The following TNNI3K variants were observed in gnomAD, a reference collection of about 807,000 sequenced individuals.
TNNI3K encodes serine/threonine-protein kinase TNNI3K.
In TNNI3K, 140 loss-of-function variants were observed where a neutral mutation model predicts 114.5. That is an observed-to-expected ratio of 1.22 (90% CI 1.07 to 1.41). The LOEUF is 1.41. Among genes scored for constraint, TNNI3K ranks in the 40% most tolerant of loss-of-function variants. The pLI is 0.00. For missense variants in TNNI3K, 1,125 were observed against 1,007.6 expected (o/e 1.12, Z -1.58); for synonymous variants, 347 against 347.5 (o/e 1.00, Z 0.02).
At chr1:74,292,179 G>A (rs958251397) in intron 5 of TNNI3K, among the ~76,000 whole-genome samples, 1 of 151,266 alleles carries the variant, frequency 6.6e-6, no homozygotes, top group East Asian at 1.9e-4. Flanking sequence ...TCTTTGCAAA[G>A]AACCAACTTC....
intron 11 of TNNI3K, 122 bp from the exon 12 acceptor site, chr1:74,367,134 A>G: frequency 2.2e-6 from 2 of 906,210 alleles, no homozygotes; most frequent in Non-Finnish European, 3.4e-6. Context: ...CTATTGCAAT[A>G]CATTACCTCT....
chr1:74,255,606 G>A lies in TNNI3K; in HGVS notation c.333+4837G>A, dbSNP rs184755801. 2.0e-5 allele frequency among the ~76,000 whole-genome samples: 3 copies of A among 152,218 alleles called. No individual in the cohort carries two copies. The East Asian group carries it at 5.8e-4, about 29-fold the overall frequency. On this transcript the variant is annotated intron_variant, in intron 4 of 24. Transcript: ENST00000326637. ...CTCATACATCTTTTTGTTTTAGTTT[G>A]TTGAGTTTTTCACAGTGTTTAGTTT...
intron 6 of TNNI3K, 97 bp from the exon 7 acceptor site, chr1:74,335,914 T>G: frequency 2.2e-6 from 3 of 1,342,466 alleles, no homozygotes; most frequent in Non-Finnish European, 2.0e-6. Context: ...AACAATAAAT[T>G]TTTGTGGTTT....
At chr1:74,492,562 C>T (rs1669135636) in intron 23 of TNNI3K, among the ~76,000 whole-genome samples, 1 of 152,080 alleles carries the variant, frequency 6.6e-6, no homozygotes, top group African/African-American at 2.4e-5. Flanking sequence ...TTATGGCATC[C>T]AAGCAAGAAT....
intron 23 of TNNI3K, among the ~76,000 whole-genome samples, chr1:74,539,158 G>C (rs1452153542): frequency 2.0e-5 from 3 of 152,174 alleles, no homozygotes; most frequent in Admixed American, 2.0e-4. Flanking sequence ...GAGATGGATA[G>C]TTTAGGATTA....
intron 23 of TNNI3K, among the ~76,000 whole-genome samples, chr1:74,499,485 T>C (rs1669498705): frequency 6.6e-6 from 1 of 152,178 alleles, no homozygotes; most frequent in African/African-American, 2.4e-5. Context: ...TTATTATTAA[T>C]TATTGTCAAT....
chr1:74,346,529 A>G lies in TNNI3K; in HGVS notation c.932+3350A>G, dbSNP rs549613329. ...TACAGCTCTTTTCTTAAAGTTCCAG[A>G]TGTGAGAATCTTTAGGATTTTCTCA... On this transcript the variant is annotated intron_variant, in intron 9 of 24. Transcript: ENST00000326637. Among the ~76,000 whole-genome samples the G allele has an allele frequency of 7.9e-5, 12 of 152,070 alleles. No individual in the cohort carries two copies. In the South Asian group the frequency reaches 2.3e-3, roughly 29 times the overall value.
At chr1:74,489,301 G>T in intron 22 of TNNI3K, 53 bp downstream of exon 22, 1 of 1,570,308 alleles carries the variant, frequency 6.4e-7, no homozygotes, top group Non-Finnish European at 8.7e-7. Flanking sequence ...GCATATCCAA[G>T]GCTGTCAGGG....
intron 17 of TNNI3K, among the ~76,000 whole-genome samples, chr1:74,405,494 G>A (rs1207496466): frequency 6.6e-6 from 1 of 152,150 alleles, no homozygotes; most frequent in African/African-American, 2.4e-5. Flanking sequence ...ATGATAATGA[G>A]AATAAACCAA....
At chr1:74,426,566 T>C (rs1350025989) in intron 17 of TNNI3K, among the ~76,000 whole-genome samples, 1 of 152,040 alleles carries the variant, frequency 6.6e-6, no homozygotes, top group African/African-American at 2.4e-5. Flanking sequence ...CAATGGCATC[T>C]CTTTTTTTCT....
chr1:74,370,185 A>C, intron 16 of TNNI3K, 103 bp from the exon 17 acceptor site: 1 of 1,018,146 alleles, frequency 9.8e-7, no homozygotes, highest in East Asian at 2.9e-5. Flanking sequence ...AAGAAACAAA[A>C]AATGGTTAAG....
intron 4 of TNNI3K, among the ~76,000 whole-genome samples, chr1:74,265,572 T>G (rs1655924353): frequency 6.6e-6 from 1 of 151,928 alleles, no homozygotes; most frequent in South Asian, 2.1e-4. Flanking sequence ...CTGCCACACA[T>G]GAGGAAATGC....
chr1:74,238,068 T>C (rs1653967122), intron 2 of TNNI3K, among the ~76,000 whole-genome samples: 1 of 151,966 alleles, frequency 6.6e-6, no homozygotes, highest in Non-Finnish European at 1.5e-5. Flanking sequence ...TATTCATTGA[T>C]TTTTGGAATC....
intron 4 of TNNI3K, among the ~76,000 whole-genome samples, chr1:74,258,294 T>C (rs1186288630): frequency 2.0e-5 from 3 of 152,216 alleles, no homozygotes; most frequent in African/African-American, 7.2e-5. Context: ...TTCTTCTCGG[T>C]TACCCTGCTC....
chr1:74,351,936 G>A (rs1400674126), intron 9 of TNNI3K, among the ~76,000 whole-genome samples: 1 of 152,040 alleles, frequency 6.6e-6, no homozygotes, highest in East Asian at 1.9e-4. Flanking sequence ...GCTGGGAGTA[G>A]TTTGATCTTC....
intron 21 of TNNI3K, among the ~76,000 whole-genome samples, chr1:74,488,276 GC>G (rs1414312301): frequency 6.6e-6 from 1 of 152,012 alleles, no homozygotes; most frequent in African/African-American, 2.4e-5. Context: ...TGCTCCCACT[GC>G]CCCCACCAAC....
chr1:74,516,416 A>C lies in TNNI3K; in HGVS notation c.2352-23818A>C, dbSNP rs1189314389. ...AGAATAGTTGAGTCAGGAAGGCAATATCAAATCCGTACAATACAAGGCATG... is the reference window on the plus strand; with the variant it reads ...AGAATAGTTGAGTCAGGAAGGCAATCTCAAATCCGTACAATACAAGGCATG... On this transcript the variant is annotated intron_variant, in intron 23 of 24. Transcript: ENST00000326637. Among the ~76,000 whole-genome samples, 5 of 152,216 alleles carry C rather than the reference A, an allele frequency of 3.3e-5. No individual in the cohort carries two copies. The East Asian group carries it at 9.6e-4, about 29-fold the overall frequency.
At chr1:74,362,322 G>C (rs972519844) in intron 11 of TNNI3K, among the ~76,000 whole-genome samples, 1 of 152,134 alleles carries the variant, frequency 6.6e-6, no homozygotes, top group Non-Finnish European at 1.5e-5. Context: ...GGCCTAGTCT[G>C]TTCCTTTGAT....
At chr1:74,435,688 G>T (rs531494739) in intron 17 of TNNI3K, among the ~76,000 whole-genome samples, 2 of 151,894 alleles carry the variant, frequency 1.3e-5, no homozygotes, top group Admixed American at 1.3e-4. Flanking sequence ...TGTGCCTAGG[G>T]TTCCAGCAAG....
Sources: gnomAD v4.1 joint callset for allele counts (sites outside exome capture counted in the v4.1 genomes callset) on GRCh38, gnomAD v4.1.1 for gene constraint, MANE v1.5 for transcripts, NCBI Gene and HGNC (gene_info 2026-07-23, HGNC 2026-07-21) for gene names.